The following MLLT3 variants were observed in gnomAD, a reference collection of about 807,000 sequenced individuals.
MLLT3 encodes the protein MLLT3 super elongation complex subunit, also known as protein AF-9.
In MLLT3, 4 loss-of-function variants were observed where a neutral mutation model predicts 53.2. That is an observed-to-expected ratio of 0.08 (90% CI 0.04 to 0.17). The LOEUF is 0.17. MLLT3 is among the 10% of genes least tolerant of loss of function. The pLI, the probability that MLLT3 is intolerant of heterozygous loss-of-function variation, is 1.00. For missense variants in MLLT3, 569 were observed against 684.0 expected (o/e 0.83, Z 1.87); for synonymous variants, 283 against 230.6 (o/e 1.23, Z -2.06).
rs1586956321 is a variant in MLLT3 at position 20,448,074 on chromosome 9, TG to T, written c.420+48del. ...CTAGTTTGTTTGTTTTTTTTTTTGT[TG>T]TTGTTGTTTTTTAATAGGAATGCTT... is the stretch of plus-strand genomic sequence containing the variant. On this transcript the variant is annotated intron_variant, in intron 4 of 10. Coordinates refer to ENST00000380338, the MANE Select transcript of MLLT3 (RefSeq NM_004529.4). The surrounding 1 kb of genome is among the most constrained non-coding windows in gnomAD (Gnocchi z 4.0). 1 of 1,564,324 alleles carries T rather than the reference TG, an allele frequency of 6.4e-7. No homozygotes were observed. Among genetic ancestry groups the T allele is most frequent in the Non-Finnish European group, 8.6e-7 (1 of 1,157,098 alleles).
intron 2 of MLLT3, among the ~76,000 whole-genome samples, chr9:20,508,182 C>A (rs1241862094): frequency 1.3e-5 from 2 of 152,090 alleles, no homozygotes; most frequent in East Asian, 3.8e-4. Flanking sequence ...TTTATGGTCT[C>A]ACAAAACTGC....
At chr9:20,525,539 C>A (rs887532819) in intron 2 of MLLT3, among the ~76,000 whole-genome samples, 20 of 152,110 alleles carry the variant, frequency 1.3e-4, no homozygotes, top group Admixed American at 9.8e-4. Context: ...TTTTACAGTA[C>A]TGAGGTTTTA....
chr9:20,462,874 G>A (rs962873022), intron 2 of MLLT3, among the ~76,000 whole-genome samples: 1 of 152,018 alleles, frequency 6.6e-6, no homozygotes, highest in African/African-American at 2.4e-5. Context: ...GACAGTTGAG[G>A]ATAAAGTATA....
chr9:20,420,675 T>C (rs1433652281), intron 4 of MLLT3, among the ~76,000 whole-genome samples: 2 of 152,180 alleles, frequency 1.3e-5, no homozygotes, highest in African/African-American at 4.8e-5. Flanking sequence ...GCTCATTTAA[T>C]AATTATACGT....
rs373362692 is a variant in MLLT3 at position 20,518,218 on chromosome 9, G to A, written c.194-61432C>T. On this transcript the variant is annotated intron_variant, in intron 2 of 10. Coordinates refer to ENST00000380338, the MANE Select transcript of MLLT3 (RefSeq NM_004529.4). Reference sequence around the variant, plus strand: ...AAATTAGCCGGGCGTGGTGGCACGCGCCTGTAATCCCAGCTACTCAGGAGG... The same window carrying A: ...AAATTAGCCGGGCGTGGTGGCACGCACCTGTAATCCCAGCTACTCAGGAGG... 1.1e-4 allele frequency among the ~76,000 whole-genome samples: 17 copies of A among 152,174 alleles called. No homozygotes were observed. The East Asian group carries it at 3.1e-3, about 28-fold the overall frequency.
intron 8 of MLLT3, among the ~76,000 whole-genome samples, chr9:20,355,671 C>A (rs547888656): frequency 2.0e-5 from 3 of 152,128 alleles, no homozygotes; most frequent in Non-Finnish European, 4.4e-5. Context: ...AAGCTTGAAA[C>A]CACTAAATTT....
intron 6 of MLLT3, 79 bp from the exon 7 acceptor site, chr9:20,363,684 T>C: frequency 3.6e-6 from 5 of 1,394,324 alleles, no homozygotes; most frequent in Non-Finnish European, 3.9e-6. Flanking sequence ...GGGGGATGCT[T>C]ACCAGCACTG....
intron 4 of MLLT3, among the ~76,000 whole-genome samples, chr9:20,428,508 C>T (rs1324852712): frequency 6.6e-6 from 1 of 151,936 alleles, no homozygotes; most frequent in Middle Eastern, 3.2e-3. Flanking sequence ...TCAACTTCAT[C>T]ACATTGAATG....
intron 2 of MLLT3, among the ~76,000 whole-genome samples, chr9:20,578,555 A>C (rs951646855): frequency 6.6e-6 from 1 of 152,140 alleles, no homozygotes; most frequent in African/African-American, 2.4e-5. Flanking sequence ...GAAACATATC[A>C]AATAAAGAAT....
intron 2 of MLLT3, among the ~76,000 whole-genome samples, chr9:20,580,628 T>C (rs1299863970): frequency 1.3e-5 from 2 of 152,186 alleles, no homozygotes; most frequent in Non-Finnish European, 2.9e-5. Flanking sequence ...AAAAAGTGAC[T>C]AGGGATGGAA....
chr9:20,525,836 T>C (rs775626592), intron 2 of MLLT3, among the ~76,000 whole-genome samples: 1 of 152,228 alleles, frequency 6.6e-6, no homozygotes, highest in Admixed American at 6.5e-5. Context: ...CCGATTGTAG[T>C]CTAGGTTGAA....
At chr9:20,546,706 C>T (rs962554702) in intron 2 of MLLT3, among the ~76,000 whole-genome samples, 2 of 152,224 alleles carry the variant, frequency 1.3e-5, no homozygotes, top group Non-Finnish European at 2.9e-5. Flanking sequence ...GAGGCCAACC[C>T]GGAGATCCAT....
At chr9:20,509,761 T>G (rs992739723) in intron 2 of MLLT3, among the ~76,000 whole-genome samples, 1 of 152,218 alleles carries the variant, frequency 6.6e-6, no homozygotes, top group African/African-American at 2.4e-5. Flanking sequence ...AAAACAGATA[T>G]TTCATTACTA....
chr9:20,376,789 C>T (rs932590451), intron 5 of MLLT3, among the ~76,000 whole-genome samples: 6 of 152,178 alleles, frequency 3.9e-5, no homozygotes, highest in African/African-American at 1.4e-4. Context: ...GTAGCCAGAA[C>T]ATGTGCTCTT....
chr9:20,468,843 A>T (rs1172084657), intron 2 of MLLT3, among the ~76,000 whole-genome samples: 1 of 152,236 alleles, frequency 6.6e-6, no homozygotes, highest in Non-Finnish European at 1.5e-5. Flanking sequence ...AGCATAAAAC[A>T]TTTATCAGCT....
chr9:20,366,241 C>T (rs916978448), intron 5 of MLLT3, among the ~76,000 whole-genome samples: 1 of 152,126 alleles, frequency 6.6e-6, no homozygotes, highest in African/African-American at 2.4e-5. Flanking sequence ...ATGTTCCCCT[C>T]CCTGTGTCTA....
At chr9:20,510,484 C>A (rs1415600350) in intron 2 of MLLT3, among the ~76,000 whole-genome samples, 2 of 151,874 alleles carry the variant, frequency 1.3e-5, no homozygotes, top group Non-Finnish European at 2.9e-5. Context: ...TGGTGGAGTG[C>A]ACCTCTAATC....
intron 2 of MLLT3, among the ~76,000 whole-genome samples, chr9:20,535,956 A>T (rs1484428764): frequency 2.0e-5 from 3 of 152,190 alleles, no homozygotes; most frequent in African/African-American, 7.2e-5. Context: ...TTACTAAACA[A>T]AACTTGTAAG....
At chr9:20,590,335 T>C (rs968022442) in intron 2 of MLLT3, among the ~76,000 whole-genome samples, 3 of 152,216 alleles carry the variant, frequency 2.0e-5, no homozygotes, top group African/African-American at 7.2e-5. Flanking sequence ...ACTGCTGATA[T>C]GGGTTGCATG....
Sources: allele counts gnomAD v4.1 joint callset (sites outside exome capture counted in the v4.1 genomes callset), GRCh38; gene constraint gnomAD v4.1.1; non-coding constraint Gnocchi (gnomAD v3.1); transcripts MANE v1.5; gene names NCBI Gene and HGNC (gene_info 2026-07-23, HGNC 2026-07-21).